ARHGAP24: variants seen among roughly 807,000 people sequenced by gnomAD.
ARHGAP24 encodes Rho GTPase activating protein 24, also known as rho GTPase-activating protein 24.
Under a neutral mutation model 76.4 loss-of-function variants are expected in ARHGAP24, and 50 were observed. That is an observed-to-expected ratio of 0.65 (90% confidence interval 0.52 to 0.83). The LOEUF is 0.83. ARHGAP24 is among the 40% of genes least tolerant of loss of function. ARHGAP24 has a pLI of 0.00. For synonymous variants in ARHGAP24, 345 were observed against 323.3 expected, an observed-to-expected ratio of 1.07 and a Z score of -0.72; for missense variants, 930 against 914.2, an observed-to-expected ratio of 1.02 and a Z score of -0.22.
At chr4:85,977,420 T>C in intron 7 of ARHGAP24, 150 bp from the exon 8 acceptor site, 1 of 860,442 alleles carries the variant, frequency 1.2e-6, no homozygotes, top group Non-Finnish European at 1.9e-6. Flanking sequence ...TCCCTGTGTT[T>C]GAGTGAGAGA....
chr4:85,957,442 T>C (rs1356634994), intron 5 of ARHGAP24, among the ~76,000 whole-genome samples: 1 of 152,228 alleles, frequency 6.6e-6, no homozygotes. Flanking sequence ...CTCTGTTGAT[T>C]TGATGAAAAT....
intron 3 of ARHGAP24, among the ~76,000 whole-genome samples, chr4:85,828,769 T>C (rs1044051228): frequency 1.3e-5 from 2 of 152,066 alleles, no homozygotes; most frequent in African/African-American, 4.8e-5. Flanking sequence ...TAACAGACCT[T>C]AATCGTGGGT....
At chr4:85,879,286 A>G (rs1376425748) in intron 3 of ARHGAP24, among the ~76,000 whole-genome samples, 1 of 152,172 alleles carries the variant, frequency 6.6e-6, no homozygotes, top group Non-Finnish European at 1.5e-5. Flanking sequence ...TCCATTAAAT[A>G]CAAGGTGAGA....
intron 3 of ARHGAP24, among the ~76,000 whole-genome samples, chr4:85,846,352 G>A (rs1450176613): frequency 6.6e-6 from 1 of 152,124 alleles, no homozygotes; most frequent in Non-Finnish European, 1.5e-5. Context: ...GTGAGGTAAG[G>A]GACTTGGAAA....
intron 1 of ARHGAP24, among the ~76,000 whole-genome samples, chr4:85,538,406 T>C (rs1380491408): frequency 6.6e-6 from 1 of 152,320 alleles, no homozygotes; most frequent in South Asian, 2.1e-4. Flanking sequence ...AATTTTTGCA[T>C]GCAAAACCCT....
chr4:85,970,904 T>C (rs1738930532), intron 5 of ARHGAP24, among the ~76,000 whole-genome samples: 2 of 152,224 alleles, frequency 1.3e-5, no homozygotes, highest in Non-Finnish European at 1.5e-5. Flanking sequence ...ATTCTTGCTG[T>C]CTTTACTATC....
chr4:85,902,281 G>A (rs1300212259), intron 3 of ARHGAP24, among the ~76,000 whole-genome samples: 1 of 152,158 alleles, frequency 6.6e-6, no homozygotes, highest in African/African-American at 2.4e-5. Context: ...CCCTGAAGAT[G>A]TTTAAAATCT....
intron 2 of ARHGAP24, among the ~76,000 whole-genome samples, chr4:85,694,016 C>G (rs981755639): frequency 1.3e-5 from 2 of 152,300 alleles, no homozygotes; most frequent in South Asian, 2.1e-4. Flanking sequence ...TCCCCAGGAG[C>G]CTTTCAGGGC....
In ARHGAP24 at chr4:85,973,833, G is replaced by GTTTTTTTTTTTTTTTTT. The variant is rs1199796194; in HGVS notation, c.733-1044_733-1028dup. On this transcript the variant is annotated intron_variant, in intron 6 of 9. Coordinates refer to ENST00000395184, the MANE Select transcript of ARHGAP24 (RefSeq NM_001025616.3). ...CTCATGTCAAAAACTGCTGCCTATT[G>GTTTTTTTTTTTTTTTTT]TTTTTTTTTTTTTTTTTTTTTTTTT... Among the ~76,000 whole-genome samples, 13 of 42,822 alleles carry GTTTTTTTTTTTTTTTTT rather than the reference G, an allele frequency of 3.0e-4. 4 individuals carry two copies. The highest frequency in any genetic ancestry group is 1.3e-3 in the African/African-American group (12 of 9,524). The allele number at this position is 42,822 out of a possible 152,430, so 28.1% of individuals were successfully genotyped here.
chr4:85,630,719 T>A (rs903067531), intron 2 of ARHGAP24, among the ~76,000 whole-genome samples: 1 of 152,034 alleles, frequency 6.6e-6, no homozygotes, highest in African/African-American at 2.4e-5. Context: ...ACATTGTACA[T>A]TATAATTTAA....
At chr4:85,760,710 A>ATCGG (rs1726700943) in intron 3 of ARHGAP24, among the ~76,000 whole-genome samples, 2 of 152,200 alleles carry the variant, frequency 1.3e-5, no homozygotes, top group South Asian at 4.1e-4. Flanking sequence ...AGAAGGCCCG[A>ATCGG]AGCCAAAAAA....
intron 3 of ARHGAP24, among the ~76,000 whole-genome samples, chr4:85,784,753 A>G (rs113725285): frequency 1.6e-3 from 240 of 152,142 alleles, no homozygotes; most frequent in African/African-American, 5.3e-3. Flanking sequence ...GAATTTTAGC[A>G]ACCATTTCCT....
intron 3 of ARHGAP24, among the ~76,000 whole-genome samples, chr4:85,876,797 T>C (rs151014324): frequency 3.7e-4 from 57 of 152,270 alleles, no homozygotes; most frequent in African/African-American, 1.3e-3. Flanking sequence ...TCAACCAGCA[T>C]GTAAGGCCTC....
intron 1 of ARHGAP24, among the ~76,000 whole-genome samples, chr4:85,517,819 A>G (rs17010302): frequency 6.6e-6 from 1 of 152,062 alleles, no homozygotes. Context: ...TTCTAAAATT[A>G]TTCCACATTT....
intron 3 of ARHGAP24, among the ~76,000 whole-genome samples, chr4:85,894,045 C>T (rs1428402770): frequency 3.1e-5 from 4 of 130,846 alleles, no homozygotes; most frequent in African/African-American, 1.2e-4. Context: ...CACATGTATA[C>T]ATATGTAACT....
intron 3 of ARHGAP24, among the ~76,000 whole-genome samples, chr4:85,811,000 T>C (rs1348273769): frequency 6.6e-6 from 1 of 152,094 alleles, no homozygotes; most frequent in Non-Finnish European, 1.5e-5. Flanking sequence ...CATTTCCACA[T>C]TTATGAAAGG....
intron 3 of ARHGAP24, among the ~76,000 whole-genome samples, chr4:85,736,158 A>G (rs1383303854): frequency 2.0e-5 from 3 of 152,168 alleles, no homozygotes; most frequent in Non-Finnish European, 2.9e-5. Flanking sequence ...CTTCTTTAGA[A>G]AAGAAACTCA....
intron 7 of ARHGAP24, among the ~76,000 whole-genome samples, chr4:85,976,405 C>T (rs1348078445): frequency 6.6e-6 from 1 of 152,090 alleles, no homozygotes; most frequent in African/African-American, 2.4e-5. Context: ...GGAGAAGATC[C>T]CCCCTCTGGT....
chr4:85,855,778 A>AG (rs1731521767), intron 3 of ARHGAP24, among the ~76,000 whole-genome samples: 1 of 151,680 alleles, frequency 6.6e-6, no homozygotes, highest in African/African-American at 2.4e-5. Context: ...AAAAGAAAAA[A>AG]AAAAAAAAGA....
Sources: allele counts gnomAD v4.1 joint callset (sites outside exome capture counted in the v4.1 genomes callset), GRCh38; gene constraint gnomAD v4.1.1; transcripts MANE v1.5; gene names NCBI Gene and HGNC (gene_info 2026-07-23, HGNC 2026-07-21).